The following MAN1A1 variants were observed in gnomAD, a reference collection of about 807,000 sequenced individuals.
MAN1A1 encodes the protein mannosidase alpha class 1A member 1.
In MAN1A1, 29 loss-of-function variants were observed where a neutral mutation model predicts 70.8. The observed-to-expected ratio is 0.41, with a 90% CI of 0.31 to 0.56. MAN1A1 has a LOEUF of 0.56. Ranked by LOEUF, MAN1A1 falls within the 20% of genes least tolerant of loss-of-function variation. The probability of loss-of-function intolerance (pLI) is 0.29; values close to 1 mark genes in which losing one functional copy is unlikely to be tolerated. For synonymous variants in MAN1A1, 349 were observed against 330.1 expected (o/e 1.06, Z -0.62); for missense variants, 747 against 841.3 (o/e 0.89, Z 1.39).
intron 5 of MAN1A1, among the ~76,000 whole-genome samples, chr6:119,275,270 C>T (rs1323735275): frequency 8.1e-6 from 1 of 124,082 alleles, no homozygotes; most frequent in Non-Finnish European, 1.7e-5. Context: ...ACCACCATAC[C>T]CAGCTAATTT....
chr6:119,216,241 TCA>T (rs1484655953), intron 6 of MAN1A1, among the ~76,000 whole-genome samples: 2 of 152,198 alleles, frequency 1.3e-5, no homozygotes, highest in Non-Finnish European at 2.9e-5. Flanking sequence ...TTTCTAAAGT[TCA>T]CTCTGGATAC....
rs78954812 is a variant in MAN1A1, at chr6:119,285,719, T to C, written c.897+4964A>G. The stretch of plus-strand genomic sequence containing the variant: ...TCTTTCCATATATAAGAAAGCAGGA[T>C]AAATGTGAGCTCAATTTTTATAATT... On this transcript the variant is annotated intron_variant, in intron 5 of 12. Coordinates refer to ENST00000368468, the MANE Select transcript of MAN1A1 (RefSeq NM_005907.4). Among the ~76,000 whole-genome samples, 888 of 152,210 alleles carry C rather than the reference T, an allele frequency of 5.8e-3. 29 individuals carry two copies. In the East Asian group the frequency reaches 0.089, roughly 15 times the overall value.
At chr6:119,323,102 A>T (rs897059608) in intron 2 of MAN1A1, among the ~76,000 whole-genome samples, 29 of 152,346 alleles carry the variant, frequency 1.9e-4, no homozygotes, top group African/African-American at 6.7e-4. Context: ...AGAAAAACAA[A>T]CTAGTCAAAT....
At chr6:119,186,877 T>C (rs1391057694) in intron 11 of MAN1A1, among the ~76,000 whole-genome samples, 3 of 152,200 alleles carry the variant, frequency 2.0e-5, no homozygotes, top group Non-Finnish European at 4.4e-5. Context: ...CTCACCACTA[T>C]AGCTCAGGTT....
chr6:119,326,099 C>G (rs948677615), intron 2 of MAN1A1, among the ~76,000 whole-genome samples: 1 of 152,190 alleles, frequency 6.6e-6, no homozygotes, highest in African/African-American at 2.4e-5. Flanking sequence ...GCTGAAAGAA[C>G]ACTCAGGGGC....
chr6:119,241,473 G>C (rs1582727741), intron 6 of MAN1A1, among the ~76,000 whole-genome samples: 1 of 152,106 alleles, frequency 6.6e-6, no homozygotes, highest in East Asian at 1.9e-4. Flanking sequence ...CCATCAGCTG[G>C]AATCTGGTTA....
chr6:119,191,537 T>C (rs934213894), intron 9 of MAN1A1, among the ~76,000 whole-genome samples: 6 of 152,282 alleles, frequency 3.9e-5, no homozygotes, highest in Non-Finnish European at 7.4e-5. Context: ...ATACAGATAA[T>C]TGATTAGAAA....
chr6:119,304,253 T>C (rs780995841), intron 3 of MAN1A1, among the ~76,000 whole-genome samples: 68 of 152,222 alleles, frequency 4.5e-4, no homozygotes, highest in Non-Finnish European at 8.7e-4. Flanking sequence ...CCCTTGCATT[T>C]TGTGAAATGT....
intron 6 of MAN1A1, among the ~76,000 whole-genome samples, chr6:119,223,083 G>T (rs1774410140): frequency 6.6e-6 from 1 of 151,966 alleles, no homozygotes. Flanking sequence ...AACAGGAAAA[G>T]AATATTTTAG....
chr6:119,327,027 T>A (rs2114485926), intron 2 of MAN1A1, among the ~76,000 whole-genome samples: 1 of 152,266 alleles, frequency 6.6e-6, no homozygotes, highest in Admixed American at 6.5e-5. Context: ...CATGCTGTAA[T>A]CCCCAGACCT....
In MAN1A1 at chr6:119,306,917, C is replaced by T; in HGVS notation, c.679G>A (p.Gly227Ser). The change falls in exon 3 of 13, where the codon GGC (glycine) becomes AGC (serine). Residue 227 changes from glycine to serine, a missense_variant. Physicochemically the swap from Gly to Ser is moderately conservative, Grantham distance 56. Coordinates refer to ENST00000368468, the MANE Select transcript of MAN1A1 (RefSeq NM_005907.4). ...TCACCAAACAAACTGCTTGAATGGC[C>T]TCCTTTTGATATAGGTTTGAGTTCA... ...LNELKPISKG[G>S]HSSSLFGNIK... The T allele has an allele frequency of 6.3e-7, 1 of 1,593,504 alleles. No individual in the cohort carries two copies.
intron 6 of MAN1A1, among the ~76,000 whole-genome samples, chr6:119,226,521 A>T (rs780344944): frequency 3.3e-5 from 5 of 152,206 alleles, no homozygotes; most frequent in Non-Finnish European, 7.3e-5. Context: ...GTCCTAAAAG[A>T]TGATATTTTA....
At chr6:119,338,443 A>G (rs552819316) in intron 2 of MAN1A1, among the ~76,000 whole-genome samples, 11 of 152,334 alleles carry the variant, frequency 7.2e-5, no homozygotes, top group Admixed American at 7.2e-4. Flanking sequence ...AAGGCCTCTC[A>G]CATACAAAAG....
At chr6:119,237,847 AT>A (rs35177840) in intron 6 of MAN1A1, among the ~76,000 whole-genome samples, 1 of 152,114 alleles carries the variant, frequency 6.6e-6, no homozygotes, top group Non-Finnish European at 1.5e-5. Context: ...AGCATGCTAC[AT>A]TTTTTTTAAA....
chr6:119,202,535 C>T (rs1050968105), intron 7 of MAN1A1, among the ~76,000 whole-genome samples: 2 of 152,108 alleles, frequency 1.3e-5, no homozygotes, highest in Non-Finnish European at 2.9e-5. Context: ...ATCAGTAATG[C>T]AGTCATTTAA....
At chr6:119,284,311 C>A (rs1179427341) in intron 5 of MAN1A1, among the ~76,000 whole-genome samples, 1 of 152,148 alleles carries the variant, frequency 6.6e-6, no homozygotes, top group African/African-American at 2.4e-5. Context: ...ATGTGCCACT[C>A]TGTACAGGTG....
chr6:119,259,560 C>T (rs1229216769), intron 5 of MAN1A1, among the ~76,000 whole-genome samples: 2 of 152,180 alleles, frequency 1.3e-5, no homozygotes, highest in East Asian at 3.8e-4. Flanking sequence ...TTTGTTATTT[C>T]TGCATAATCC....
At chr6:119,203,039 TGAACACACACTGGG>T (rs1773758955) in intron 7 of MAN1A1, among the ~76,000 whole-genome samples, 1 of 152,184 alleles carries the variant, frequency 6.6e-6, no homozygotes, top group Non-Finnish European at 1.5e-5. Flanking sequence ...AGACATCATG[TGAACACACACTGGG>T]ACAGTTCTCG....
At chr6:119,323,963 CCACT>C (rs781259329) in intron 2 of MAN1A1, among the ~76,000 whole-genome samples, 5 of 152,218 alleles carry the variant, frequency 3.3e-5, no homozygotes, top group Non-Finnish European at 5.9e-5. Context: ...GCAAAATTTA[CCACT>C]ACTACAATAT....
Sources: allele counts gnomAD v4.1 joint callset (sites outside exome capture counted in the v4.1 genomes callset), GRCh38; gene constraint gnomAD v4.1.1; transcripts MANE v1.5; gene names NCBI Gene and HGNC (gene_info 2026-07-23, HGNC 2026-07-21).